EFHC2: variants seen among roughly 807,000 people sequenced by gnomAD.
EFHC2 encodes EF-hand domain containing 2.
Under a neutral mutation model 52.7 loss-of-function variants are expected in EFHC2, and 18 were observed. The observed-to-expected ratio is 0.34, with a 90% CI of 0.24 to 0.51. The LOEUF is 0.51. Ranked by LOEUF, EFHC2 falls within the 20% of genes least tolerant of loss-of-function variation. EFHC2 has a pLI of 0.97. For missense variants in EFHC2, 513 were observed against 562.5 expected (o/e 0.91, Z 0.89); for synonymous variants, 203 against 204.1 (o/e 0.99, Z 0.04).
chrX:44,281,402 C>T (rs1333572916), intron 2 of EFHC2, among the ~76,000 whole-genome samples: 1 of 111,664 alleles, frequency 9.0e-6, no homozygotes, highest in Non-Finnish European at 1.9e-5. Flanking sequence ...AGAACAGATG[C>T]CCTGGAAATA....
intron 14 of EFHC2, among the ~76,000 whole-genome samples, chrX:44,158,774 G>A (rs751849591): frequency 9.0e-6 from 1 of 111,350 alleles, no homozygotes; most frequent in South Asian, 3.8e-4. Context: ...AGAAGATCAG[G>A]AAATAACCAA....
Position 44,274,441 on chromosome X carries a change from G to A in EFHC2, c.232-1605C>T, listed in dbSNP as rs530388839. Among the ~76,000 whole-genome samples, 8 of 112,191 alleles carry A rather than the reference G, an allele frequency of 7.1e-5. 1 individual carries two copies. In the South Asian group the frequency reaches 2.2e-3, roughly 31 times the overall value. Reference sequence around the variant, plus strand: ...TTGGAACTAGATAGATGTGATGGTTGCACAGCCTTGTGGATATGTTAAATG... The same window carrying A: ...TTGGAACTAGATAGATGTGATGGTTACACAGCCTTGTGGATATGTTAAATG... On this transcript the variant is annotated intron_variant, in intron 2 of 14. Transcript: ENST00000420999.
chrX:44,219,957 A>G (rs951752834), intron 11 of EFHC2, among the ~76,000 whole-genome samples: 1 of 111,593 alleles, frequency 9.0e-6, no homozygotes, highest in African/African-American at 3.3e-5. Context: ...TCTTTCTGAA[A>G]AACTGTTCCA....
At chrX:44,178,612 A>G (rs752212000) in intron 11 of EFHC2, 48 bp from the exon 12 acceptor site, 1 of 979,031 alleles carries the variant, frequency 1.0e-6, no homozygotes, top group Non-Finnish European at 1.4e-6. Context: ...CTAAGAATAC[A>G]GTATTTTACA....
intron 1 of EFHC2, among the ~76,000 whole-genome samples, chrX:44,323,150 C>A (rs2038032652): frequency 8.9e-6 from 1 of 112,381 alleles, no homozygotes; most frequent in Non-Finnish European, 1.9e-5. Flanking sequence ...CATGAACATA[C>A]ATAAATTATG....
chrX:44,212,788 T>A, intron 11 of EFHC2, among the ~76,000 whole-genome samples: 1 of 111,183 alleles, frequency 9.0e-6, no homozygotes, highest in African/African-American at 3.3e-5. Context: ...CTAGGCTCAC[T>A]ACAACCTCTG....
At position 44,187,135 on chromosome X, in the gene EFHC2, G is replaced by GTGTATATATATATATATA. The variant is rs1556001678; in HGVS notation, c.1752-8572_1752-8571insTATATATATATATATACA. ...CCATGTCTCAAAGGAAAACAAAATG[G>GTGTATATATATATATATA]TATATATATATATATATGGGCTTTA... On this transcript the variant is annotated intron_variant, in intron 11 of 14. Coordinates refer to ENST00000420999, the MANE Select transcript of EFHC2 (RefSeq NM_025184.4). Among the ~76,000 whole-genome samples, 14 of 61,748 alleles carry GTGTATATATATATATATA rather than the reference G, an allele frequency of 2.3e-4. 1 individual carries two copies. The highest frequency in any genetic ancestry group is 1.1e-3 in the African/African-American group (13 of 12,155). The allele number at this position is 61,748 out of a possible 115,157, so 53.6% of individuals were successfully genotyped here. A position where few individuals can be genotyped will look rare whatever the true frequency, so the allele number is the denominator to read the frequency against.
In EFHC2 at chrX:44,342,918, G is replaced by GA. The variant is rs1293995703; in HGVS notation, c.42+628dup. On this transcript the variant is annotated intron_variant, in intron 1 of 14. Coordinates refer to ENST00000420999, the MANE Select transcript of EFHC2 (RefSeq NM_025184.4). ...TGAACCCCTCCCAATTATAAATAGA[G>GA]AAAAAAAAAATCCCTCCAAGTTTGG... is the stretch of plus-strand genomic sequence containing the variant. 3.4e-4 allele frequency among the ~76,000 whole-genome samples: 33 copies of GA among 96,372 alleles called. 1 individual carries two copies. The highest frequency in any genetic ancestry group is 1.1e-3 in the Admixed American group (10 of 9,002). The allele number at this position is 96,372 out of a possible 115,157, so 83.7% of individuals were successfully genotyped here.
chrX:44,184,573 A>G (rs887952841), intron 11 of EFHC2, among the ~76,000 whole-genome samples: 3 of 110,921 alleles, frequency 2.7e-5, no homozygotes, highest in African/African-American at 9.9e-5. Context: ...AAATACAAAA[A>G]TTAGTCGGGC....
intron 2 of EFHC2, among the ~76,000 whole-genome samples, chrX:44,278,357 G>A (rs973344800): frequency 3.6e-5 from 4 of 112,009 alleles, no homozygotes; most frequent in Non-Finnish European, 7.5e-5. Context: ...CCTGAGCAAC[G>A]ACAGAGTGAC....
At chrX:44,180,849 C>T (rs915632573) in intron 11 of EFHC2, among the ~76,000 whole-genome samples, 1 of 109,050 alleles carries the variant, frequency 9.2e-6, no homozygotes, top group African/African-American at 3.3e-5. Context: ...ATTGCTTCAG[C>T]CCAGCAGTTT....
intron 2 of EFHC2, among the ~76,000 whole-genome samples, chrX:44,277,127 C>T (rs1356534358): frequency 9.1e-6 from 1 of 109,630 alleles, no homozygotes. Context: ...GGTGTGGGGG[C>T]GGGTGCCCGT....
intron 14 of EFHC2, 128 bp from the exon 15 acceptor site, chrX:44,149,024 G>T: frequency 1.9e-6 from 1 of 519,971 alleles, no homozygotes; most frequent in Non-Finnish European, 3.2e-6. Flanking sequence ...GGACTTTGTG[G>T]TCTACTGGAT....
At chrX:44,222,021 T>C (rs2037197507) in intron 11 of EFHC2, among the ~76,000 whole-genome samples, 3 of 112,088 alleles carry the variant, frequency 2.7e-5, no homozygotes, top group Non-Finnish European at 3.8e-5. Flanking sequence ...TTTCCAAGTA[T>C]ACAATCATAT....
chrX:44,280,030 T>TACACATACACACACACACAC, intron 2 of EFHC2, among the ~76,000 whole-genome samples: 1 of 66,823 alleles, frequency 1.5e-5, no homozygotes, highest in Middle Eastern at 6.6e-3. Flanking sequence ...CCATCCCCCA[T>TACACATACACACACACACAC]ACACACACAC....
chrX:44,330,719 G>A (rs898851516), intron 1 of EFHC2, among the ~76,000 whole-genome samples: 1 of 111,926 alleles, frequency 8.9e-6, no homozygotes, highest in African/African-American at 3.2e-5. Flanking sequence ...AATTAGAAAT[G>A]AGCCAAAGAC....
intron 5 of EFHC2, among the ~76,000 whole-genome samples, chrX:44,249,767 T>C (rs1164822596): frequency 2.7e-5 from 3 of 112,424 alleles, no homozygotes; most frequent in Non-Finnish European, 5.6e-5. Flanking sequence ...TGTTTGTGAG[T>C]GCATGTGTAC....
At chrX:44,262,771 G>T (rs2037551499) in intron 3 of EFHC2, among the ~76,000 whole-genome samples, 1 of 110,849 alleles carries the variant, frequency 9.0e-6, no homozygotes, top group African/African-American at 3.3e-5. Context: ...GGATGACATA[G>T]TAAGGGCCAG....
At chrX:44,159,201 G>C (rs1330599079) in intron 14 of EFHC2, among the ~76,000 whole-genome samples, 2 of 111,317 alleles carry the variant, frequency 1.8e-5, no homozygotes, top group Admixed American at 9.5e-5. Context: ...TTGATCCCAA[G>C]GACACTCCCA....
Sources: gnomAD v4.1 joint callset for allele counts (sites outside exome capture counted in the v4.1 genomes callset) on GRCh38, gnomAD v4.1.1 for gene constraint, MANE v1.5 for transcripts, NCBI Gene and HGNC (gene_info 2026-07-23, HGNC 2026-07-21) for gene names.